Variants in EDAR observed in about 807,000 individuals in gnomAD.
The protein encoded by EDAR is ectodysplasin A receptor.
In EDAR, 38 loss-of-function variants were observed where a neutral mutation model predicts 51.3. The ratio of observed to expected loss-of-function variants is 0.74; its 90% CI spans 0.57 to 0.97. The LOEUF (loss-of-function observed/expected upper bound fraction) is 0.97, where lower values mean the gene tolerates loss of function less well. Among genes scored for constraint, EDAR ranks in the 50% least tolerant of loss-of-function variants. The probability of loss-of-function intolerance (pLI) is 0.00; values close to 1 mark genes in which losing one functional copy is unlikely to be tolerated. For missense variants in EDAR, 528 were observed against 595.0 expected, an observed-to-expected ratio of 0.89 and a Z score of 1.17; for synonymous variants, 227 against 242.1, an observed-to-expected ratio of 0.94 and a Z score of 0.58.
At chr2:108,974,458 A>G (rs552547226) in intron 1 of EDAR, among the ~76,000 whole-genome samples, 73 of 146,116 alleles carry the variant, frequency 5.0e-4, no homozygotes, top group South Asian at 1.4e-3. Flanking sequence ...ATGACTGGGC[A>G]TGGTGGCTCA....
In EDAR at chr2:108,987,415, A is replaced by G. The variant is rs1178087057; in HGVS notation, c.-19+1545T>C. On this transcript the variant is annotated intron_variant, in intron 1 of 11. Coordinates refer to ENST00000258443, the MANE Select transcript of EDAR (RefSeq NM_022336.4). ...CCGGAGCAATGTTGGGCTGCCGCCC[A>G]ATGGCAGGCACTGGGCTAGGCAAGA... Among the ~76,000 whole-genome samples, 3 of 152,312 alleles carry G rather than the reference A, an allele frequency of 2.0e-5. No individual in the cohort carries two copies. In the East Asian group the frequency reaches 5.8e-4, roughly 29 times the overall value.
At chr2:108,979,150 CTG>C (rs1240773957) in intron 1 of EDAR, among the ~76,000 whole-genome samples, 1 of 152,224 alleles carries the variant, frequency 6.6e-6, no homozygotes, top group Non-Finnish European at 1.5e-5. Flanking sequence ...CCTCCTCTCA[CTG>C]TGTTTCTCCA....
intron 5 of EDAR, among the ~76,000 whole-genome samples, chr2:108,915,665 C>T (rs1387794758): frequency 1.3e-5 from 2 of 152,172 alleles, no homozygotes; most frequent in African/African-American, 4.8e-5. Context: ...TTTGGGAGGC[C>T]GAGGCGGGAG....
Position 108,948,632 on chromosome 2 carries a change from TG to T in EDAR, c.-18-17601del, listed in dbSNP as rs1010511492. On this transcript the variant is annotated intron_variant, in intron 1 of 11. Transcript: ENST00000258443. Reference sequence around the variant, plus strand: ...ATGGTGGCAGGAGAGAGAGAGAGAGTGAAGTGGGGAGTGCCAGACACTTATC... The same window carrying T: ...ATGGTGGCAGGAGAGAGAGAGAGAGTAAGTGGGGAGTGCCAGACACTTATC... Among the ~76,000 whole-genome samples, 469 of 149,558 alleles carry T rather than the reference TG, an allele frequency of 3.1e-3. 2 individuals are homozygous for T. Among genetic ancestry groups the T allele is most frequent in the African/African-American group, 0.011 (457 of 40,600 alleles).
intron 5 of EDAR, among the ~76,000 whole-genome samples, chr2:108,921,075 C>A (rs894209120): frequency 1.3e-5 from 2 of 152,192 alleles, no homozygotes; most frequent in African/African-American, 4.8e-5. Flanking sequence ...CATAAGAAAC[C>A]CCCAGGGTGC....
chr2:108,950,411 T>C (rs1697802620), intron 1 of EDAR, among the ~76,000 whole-genome samples: 1 of 152,170 alleles, frequency 6.6e-6, no homozygotes. Context: ...CCACTGCCTC[T>C]GGCTAATTTA....
intron 1 of EDAR, among the ~76,000 whole-genome samples, chr2:108,945,201 C>T (rs776981737): frequency 2.6e-5 from 4 of 152,086 alleles, no homozygotes; most frequent in Non-Finnish European, 5.9e-5. Flanking sequence ...TGGGTGGGGG[C>T]GAGCTCCCCG....
chr2:108,972,043 C>T (rs1218166714), intron 1 of EDAR, among the ~76,000 whole-genome samples: 1 of 152,208 alleles, frequency 6.6e-6, no homozygotes, highest in Non-Finnish European at 1.5e-5. Context: ...TCCAGCCTGG[C>T]CTGGCCCGCA....
At chr2:108,975,380 C>T (rs534337945) in intron 1 of EDAR, among the ~76,000 whole-genome samples, 1 of 152,310 alleles carries the variant, frequency 6.6e-6, no homozygotes, top group South Asian at 2.1e-4. Context: ...TGCAGCTCAG[C>T]CCTGGGCACA....
chr2:108,987,049 G>A (rs1574419443), intron 1 of EDAR, among the ~76,000 whole-genome samples: 1 of 152,204 alleles, frequency 6.6e-6, no homozygotes, highest in Non-Finnish European at 1.5e-5. Context: ...GGCAGGCTAG[G>A]AGGAGGGTGA....
At chr2:108,942,584 A>C (rs1042222585) in intron 1 of EDAR, among the ~76,000 whole-genome samples, 1 of 152,252 alleles carries the variant, frequency 6.6e-6, no homozygotes, top group African/African-American at 2.4e-5. Flanking sequence ...TGGTGCCTTC[A>C]TTTTGTGAGT....
chr2:108,960,903 C>T (rs1698025797), intron 1 of EDAR, among the ~76,000 whole-genome samples: 1 of 152,208 alleles, frequency 6.6e-6, no homozygotes, highest in Admixed American at 6.5e-5. Context: ...CCAAGAGTAT[C>T]CCCTAAGGCT....
chr2:108,982,532 A>C (rs1282231014), intron 1 of EDAR, among the ~76,000 whole-genome samples: 1 of 152,248 alleles, frequency 6.6e-6, no homozygotes, highest in African/African-American at 2.4e-5. Flanking sequence ...AATCTTCACA[A>C]AATAAATATT....
intron 5 of EDAR, among the ~76,000 whole-genome samples, chr2:108,915,363 T>C (rs1697007528): frequency 6.6e-6 from 1 of 152,192 alleles, no homozygotes; most frequent in South Asian, 2.1e-4. Context: ...TGCTTCTCTG[T>C]CCTCACACCT....
Position 108,967,180 on chromosome 2 carries a change from C to T in EDAR, c.-19+21780G>A, listed in dbSNP as rs138326061. 7.3e-3 allele frequency among the ~76,000 whole-genome samples: 1,111 copies of T among 152,296 alleles called. 8 individuals are homozygous for T. The highest frequency in any genetic ancestry group is 0.029 in the South Asian group (138 of 4,820). On this transcript the variant is annotated intron_variant, in intron 1 of 11. Coordinates refer to ENST00000258443, the MANE Select transcript of EDAR (RefSeq NM_022336.4). Reference sequence around the variant, plus strand: ...GAACTCCTGCCCTCAACTGATCCACCTGCCTTGGCCTCCCAAAGTGCTCAG... The same window carrying T: ...GAACTCCTGCCCTCAACTGATCCACTTGCCTTGGCCTCCCAAAGTGCTCAG...
intron 4 of EDAR, 122 bp downstream of exon 4, chr2:108,929,076 G>GAT: frequency 1.7e-6 from 2 of 1,157,614 alleles, no homozygotes; most frequent in Non-Finnish European, 2.5e-6. Context: ...ACCAAGGCCA[G>GAT]GTGTGCGGCT....
At chr2:108,915,635 C>T (rs1290822562) in intron 5 of EDAR, among the ~76,000 whole-genome samples, 1 of 152,226 alleles carries the variant, frequency 6.6e-6, no homozygotes, top group African/African-American at 2.4e-5. Flanking sequence ...CACGGTGGCT[C>T]ATGCCTATAA....
chr2:108,949,039 C>A (rs983967425), intron 1 of EDAR, among the ~76,000 whole-genome samples: 1 of 152,198 alleles, frequency 6.6e-6, no homozygotes, highest in African/African-American at 2.4e-5. Flanking sequence ...TGCAGTGGTA[C>A]AATCATGGCT....
In EDAR at chr2:108,910,927, C is replaced by T. The variant is rs185922326; in HGVS notation, c.655+20G>A. On this transcript the variant is annotated intron_variant, in intron 7 of 11. Coordinates refer to ENST00000258443, the MANE Select transcript of EDAR (RefSeq NM_022336.4). ...ACGGAGAGTCCAGGAAGCAGGGCAC[C>T]GGCGCATGGGGGCCGTCACCTGGGG... 1.6e-4 allele frequency: 265 copies of T among 1,613,980 alleles called. No homozygotes were observed. The highest frequency in any genetic ancestry group is 2.1e-4 in the Non-Finnish European group (244 of 1,179,954).
Sources: gnomAD v4.1 joint callset for allele counts (sites outside exome capture counted in the v4.1 genomes callset) on GRCh38, gnomAD v4.1.1 for gene constraint, MANE v1.5 for transcripts, NCBI Gene and HGNC (gene_info 2026-07-23, HGNC 2026-07-21) for gene names.